The following TMEM94 variants were observed in gnomAD, a reference collection of about 807,000 sequenced individuals.
TMEM94 encodes the protein ER Mg2+ ATPase.
In TMEM94, 81 loss-of-function variants were observed where a neutral mutation model predicts 158.6. The ratio of observed to expected loss-of-function variants is 0.51; its 90% CI spans 0.43 to 0.61. The LOEUF (loss-of-function observed/expected upper bound fraction) is 0.61, where lower values mean the gene tolerates loss of function less well. Ranked by LOEUF, TMEM94 falls within the 20% of genes least tolerant of loss-of-function variation. The pLI is 0.00. For synonymous variants in TMEM94, 751 were observed against 730.7 expected (o/e 1.03, Z -0.45); for missense variants, 1,435 against 1,762.0 (o/e 0.81, Z 3.32).
intron 6 of TMEM94, among the ~76,000 whole-genome samples, chr17:75,488,366 T>C (rs1245726576): frequency 6.6e-6 from 1 of 152,192 alleles, no homozygotes; most frequent in East Asian, 1.9e-4. Context: ...AGCCTCTGCC[T>C]CCTGGGTTCA....
intron 2 of TMEM94, among the ~76,000 whole-genome samples, chr17:75,476,918 C>T (rs2050722563): frequency 6.6e-6 from 1 of 152,184 alleles, no homozygotes; most frequent in African/African-American, 2.4e-5. Context: ...GAATGAGAGC[C>T]AGAAGGCCAG....
intron 2 of TMEM94, 26 bp downstream of exon 2, chr17:75,471,955 G>A: frequency 1.2e-6 from 2 of 1,611,996 alleles, no homozygotes; most frequent in Non-Finnish European, 1.7e-6. Context: ...TTACCTTATA[G>A]GTATTGTCTG....
chr17:75,463,102 GTGTGTATATATA>G (rs1410743750), intron 1 of TMEM94, among the ~76,000 whole-genome samples: 2 of 7,986 alleles, frequency 2.5e-4, no homozygotes, highest in Non-Finnish European at 4.5e-4. Context: ...ACATATATAT[GTGTGTATATATA>G]TGTATATATA....
In TMEM94 at chr17:75,495,486, T is replaced by G. The variant is rs1598430389; in HGVS notation, c.2845-58T>G. On this transcript the variant is annotated intron_variant, in intron 21 of 31. Coordinates refer to ENST00000314256, the MANE Select transcript of TMEM94 (RefSeq NM_014738.6). This position sits in a 1 kb window ranked among gnomAD's most constrained non-coding sequence, Gnocchi z 5.6. ...AGGTAGAGAGGTGGTGGGCAGGCGGTGGAGGGGAGGGATGCTGATCCCCAT... is the reference window on the plus strand; with the variant it reads ...AGGTAGAGAGGTGGTGGGCAGGCGGGGGAGGGGAGGGATGCTGATCCCCAT... 1.9e-6 allele frequency: 3 copies of G among 1,596,562 alleles called. No homozygotes were observed. The highest frequency in any genetic ancestry group is 4.5e-5 in the East Asian group (2 of 44,760).
intron 18 of TMEM94, 26 bp from the exon 19 acceptor site, chr17:75,494,601 C>T (rs991847331): frequency 1.2e-6 from 2 of 1,610,390 alleles, no homozygotes; most frequent in Admixed American, 3.3e-5. Flanking sequence ...CCTGATCGGG[C>T]TGTGTCCTGT....
intron 2 of TMEM94, among the ~76,000 whole-genome samples, chr17:75,478,982 GATA>G (rs1567925664): frequency 6.6e-6 from 1 of 152,188 alleles, no homozygotes; most frequent in Non-Finnish European, 1.5e-5. Flanking sequence ...CTGTTTCTCA[GATA>G]ATAAGAACTG....
chr17:75,482,780 T>C (rs141877500), intron 2 of TMEM94, among the ~76,000 whole-genome samples: 2 of 151,676 alleles, frequency 1.3e-5, no homozygotes, highest in East Asian at 1.9e-4. Flanking sequence ...TTCATTCATT[T>C]ATTCATTCAT....
chr17:75,491,287 A>G lies in TMEM94; in HGVS notation c.1234-16A>G, dbSNP rs775952358. 6.2e-6 allele frequency: 10 copies of G among 1,611,074 alleles called. No homozygotes were observed. The South Asian group carries it at 7.7e-5, about 12-fold the overall frequency. ...AATGCCAGGCCCCTTTCCTATCTCAAATGCTTTCCATGCAGGTCCTGTGCT... is the reference window on the plus strand; with the variant it reads ...AATGCCAGGCCCCTTTCCTATCTCAGATGCTTTCCATGCAGGTCCTGTGCT... On this transcript the variant is annotated splice_polypyrimidine_tract_variant and intron_variant, in intron 12 of 31. Transcript: ENST00000314256. The surrounding 1 kb of genome is among the most constrained non-coding windows in gnomAD (Gnocchi z 5.1).
rs1424911573 is a variant in TMEM94, at chr17:75,486,326, C to G, written c.309C>G (p.Phe103Leu). ...GGCTGGTGAATGCCTCGGCCTTGTT[C>G]CTGTTACTGCTTCTCAACCTTGTGC... ...GVGLVNASAL[F>L]LLLLLNLVLI... The change falls in exon 5 of 32, where the codon TTC becomes TTG. Residue 103 changes from phenylalanine to leucine, a missense_variant. By Grantham distance (22) the Phe-to-Leu change is conservative. Around this residue, in one of 3 missense-constraint regions of TMEM94, gnomAD observed 1,051 missense variants for 1,254.4 expected, o/e 0.84. Transcript: ENST00000314256. 2 of 1,614,070 alleles carry G rather than the reference C, an allele frequency of 1.2e-6. No individual in the cohort carries two copies. Among genetic ancestry groups the G allele is most frequent in the Non-Finnish European group, 1.7e-6 (2 of 1,180,022 alleles).
At position 75,492,695 on chromosome 17, in the gene TMEM94, C is replaced by T. The variant is rs775071693; in HGVS notation, c.1818C>T (p.Ser606=). Reference sequence around the variant, plus strand: ...TCACCGAGCGCCTGTGCCGATTCTCCGACCACCTGTGCAACATCGCCCTGC... The same window carrying T: ...TCACCGAGCGCCTGTGCCGATTCTCTGACCACCTGTGCAACATCGCCCTGC... ...ASVTERLCRF[S]DHLCNIALQE... Residue 606 remains serine (S), a synonymous_variant, in exon 15 of 32, where the codon TCC becomes TCT. Coordinates refer to ENST00000314256, the MANE Select transcript of TMEM94 (RefSeq NM_014738.6). The surrounding 1 kb of genome is among the most constrained non-coding windows in gnomAD (Gnocchi z 4.4). 40 of 1,613,214 alleles carry T rather than the reference C, an allele frequency of 2.5e-5. No homozygotes were observed. The highest frequency in any genetic ancestry group is 1.6e-4 in the South Asian group (15 of 91,080).
At chr17:75,490,963 C>T in intron 11 of TMEM94, 86 bp from the exon 12 acceptor site, 1 of 1,156,724 alleles carries the variant, frequency 8.6e-7, no homozygotes, top group Non-Finnish European at 1.3e-6. Context: ...CTTCGTGGTG[C>T]TCCCCTGGAT....
In TMEM94 at chr17:75,498,706, G is replaced by A. The variant is rs773641853; in HGVS notation, c.3811G>A (p.Val1271Met). ...KSPLTNLWWA[V>M]TVPVVLLGQV... is the part of the protein sequence containing the mutation. ...CCCCTTGACCAACCTCTGGTGGGCC[G>A]TGACAGTGCCTGTGGTGTGAGTATT... The change falls in exon 30 of 32, where the codon GTG (valine) becomes ATG (methionine). Residue 1271 changes from valine to methionine, a missense_variant. This residue lies in a region of TMEM94 where 335 missense variants were observed against 409.1 expected (regional missense o/e 0.82). Transcript: ENST00000314256. The surrounding 1 kb of genome is among the most constrained non-coding windows in gnomAD (Gnocchi z 6.7). 11 of 1,571,246 alleles carry A rather than the reference G, an allele frequency of 7.0e-6. No individual in the cohort carries two copies. The Admixed American group carries it at 1.3e-4, about 18-fold the overall frequency.
Position 75,491,864 on chromosome 17 carries a change from C to T in TMEM94, c.1560C>T (p.Ser520=), listed in dbSNP as rs2052222064. The change falls in exon 14 of 32, where the codon AGC becomes AGT. Residue 520 remains serine, a synonymous_variant. Transcript: ENST00000314256. The surrounding 1 kb of genome is among the most constrained non-coding windows in gnomAD (Gnocchi z 5.1). ...KHPSGSNVSF[S]RDTEGGEEEP... The stretch of plus-strand genomic sequence containing the variant: ...CATCTGGCTCCAACGTGAGCTTCAG[C>T]AGGGACACCGAGGGTGGTGAAGAAG... 1.3e-5 allele frequency: 21 copies of T among 1,613,884 alleles called. No homozygotes were observed. The highest frequency in any genetic ancestry group is 1.8e-5 in the Non-Finnish European group (21 of 1,179,958).
rs1459262034 is a variant in TMEM94, at chr17:75,494,912, T to A, written c.2606T>A (p.Met869Lys). The change falls in exon 20 of 32, where the codon ATG becomes AAG. Residue 869 changes from methionine to lysine, a missense_variant. Met to Lys is a moderately conservative substitution (Grantham distance 95, BLOSUM62 -1). Coordinates refer to ENST00000314256, the MANE Select transcript of TMEM94 (RefSeq NM_014738.6). The part of the protein sequence containing the change: ...ELKSKVFAEK[M>K]GLETGWNCHI... ...CTTTCACAGGTGTTTGCAGAAAAAA[T>A]GGGCCTGGAGACAGGCTGGAACTGC... 1 of 1,613,160 alleles carries A rather than the reference T, an allele frequency of 6.2e-7. No individual in the cohort carries two copies. Among genetic ancestry groups the A allele is most frequent in the Non-Finnish European group, 8.5e-7 (1 of 1,179,970 alleles).
Position 75,489,799 on chromosome 17 carries a change from A to G in TMEM94, c.954+137A>G, listed in dbSNP as rs1567952659. On this transcript the variant is annotated intron_variant, in intron 9 of 31. Transcript: ENST00000314256. The surrounding 1 kb of genome is among the most constrained non-coding windows in gnomAD (Gnocchi z 5.0). ...CTTCAGCTTAAGAACACCTCTTTCC[A>G]GCTGGGCGTGGGGACTCAGGCCTGT... is the stretch of plus-strand genomic sequence containing the variant. 1.3e-6 allele frequency: 1 copy of G among 763,254 alleles called. No individual in the cohort carries two copies. Among genetic ancestry groups the G allele is most frequent in the Non-Finnish European group, 2.2e-6 (1 of 457,532 alleles). 47.3% of individuals were successfully genotyped at this position (763,254 alleles called of 1,614,324 possible).
Position 75,493,100 on chromosome 17 carries a change from C to T in TMEM94, c.2084C>T (p.Thr695Ile). ...AGCCTCTTCATTAAAGACACCACCA[C>T]CAGTGAGCCCTGGCTACGTTGGCCA... The part of the protein sequence containing the change: ...MISLFIKDTT[T>I]STEQMLSHGT... Residue 695 changes from threonine to isoleucine, a missense_variant and splice_region_variant, in exon 16 of 32, where the codon ACC becomes ATC. This residue lies in a region of TMEM94 where 1,051 missense variants were observed against 1,254.4 expected (regional missense o/e 0.84). Transcript: ENST00000314256. 6.2e-7 allele frequency: 1 copy of T among 1,612,714 alleles called. No homozygotes were observed. Among genetic ancestry groups the T allele is most frequent in the Non-Finnish European group, 8.5e-7 (1 of 1,179,710 alleles).
At chr17:75,477,455 C>G (rs1361893809) in intron 2 of TMEM94, among the ~76,000 whole-genome samples, 1 of 152,050 alleles carries the variant, frequency 6.6e-6, no homozygotes, top group Non-Finnish European at 1.5e-5. Flanking sequence ...CACTATGTTG[C>G]CCAGGCTGGT....
At chr17:75,474,323 T>C (rs935000208) in intron 2 of TMEM94, among the ~76,000 whole-genome samples, 5 of 151,972 alleles carry the variant, frequency 3.3e-5, no homozygotes, top group Non-Finnish European at 7.4e-5. Flanking sequence ...CTGACCAAAA[T>C]GGTGAAACCC....
intron 1 of TMEM94, among the ~76,000 whole-genome samples, chr17:75,466,361 G>A (rs1267614254): frequency 6.6e-6 from 1 of 152,124 alleles, no homozygotes; most frequent in Non-Finnish European, 1.5e-5. Flanking sequence ...TTTGATTACT[G>A]TAGCTGTATG....
Sources: allele counts gnomAD v4.1 joint callset (sites outside exome capture counted in the v4.1 genomes callset), GRCh38; gene constraint gnomAD v4.1.1; regional missense constraint gnomAD v4.1.1; non-coding constraint Gnocchi (gnomAD v3.1); transcripts MANE v1.5; gene names NCBI Gene and HGNC (gene_info 2026-07-23, HGNC 2026-07-21).